TBC1D19: variants seen among roughly 807,000 people sequenced by gnomAD.
TBC1D19 encodes the protein TBC1 domain family, member 19.
In TBC1D19, 60 loss-of-function variants were observed where a neutral mutation model predicts 89.0. The ratio of observed to expected loss-of-function variants is 0.67; its 90% CI spans 0.55 to 0.84. The LOEUF is 0.84. Among genes scored for constraint, TBC1D19 ranks in the 40% least tolerant of loss-of-function variants. The probability of loss-of-function intolerance (pLI) is 0.00; values close to 1 mark genes in which losing one functional copy is unlikely to be tolerated. For synonymous variants in TBC1D19, 189 were observed against 199.7 expected (o/e 0.95, Z 0.45); for missense variants, 500 against 610.8 (o/e 0.82, Z 1.91).
the TBC1D19 span, among the ~76,000 whole-genome samples, chr4:26,819,558 A>G: frequency 2.2e-4 from 34 of 152,346 alleles, no homozygotes; most frequent in East Asian, 4.0e-3. Context: ...GGCAACAGCC[A>G]CAGTCATCAT....
intron 19 of TBC1D19, among the ~76,000 whole-genome samples, chr4:26,750,286 G>T (rs943115392): frequency 2.6e-5 from 4 of 152,160 alleles, no homozygotes; most frequent in African/African-American, 7.2e-5. Context: ...TCCTCTGAGT[G>T]TGCCAGAAAA....
At chr4:26,727,024 C>A (rs1440874158) in intron 15 of TBC1D19, among the ~76,000 whole-genome samples, 1 of 152,162 alleles carries the variant, frequency 6.6e-6, no homozygotes, top group African/African-American at 2.4e-5. Flanking sequence ...AGACTTTCTT[C>A]AGATGCATAA....
the TBC1D19 span, among the ~76,000 whole-genome samples, chr4:26,802,978 C>T: frequency 6.6e-6 from 1 of 152,156 alleles, no homozygotes; most frequent in Admixed American, 6.5e-5. Flanking sequence ...GCTCTAGTGT[C>T]GGTTCATCTG....
At chr4:26,634,729 G>A (rs779212368) in intron 4 of TBC1D19, among the ~76,000 whole-genome samples, 4 of 151,974 alleles carry the variant, frequency 2.6e-5, no homozygotes, top group Non-Finnish European at 5.9e-5. Flanking sequence ...TAGACTACTA[G>A]TATCTACATA....
At chr4:26,673,586 G>C (rs2109112313) in intron 10 of TBC1D19, among the ~76,000 whole-genome samples, 190 bp from the exon 11 acceptor site, 1 of 151,564 alleles carries the variant, frequency 6.6e-6, no homozygotes, top group Admixed American at 6.6e-5. Flanking sequence ...CTTAAGGCTT[G>C]CAACTGGGAG....
At position 26,754,907 on chromosome 4, in the gene TBC1D19, T is replaced by C. The variant is rs552189714; in HGVS notation, c.1541T>C (p.Met514Thr). Residue 514 changes from methionine (M) to threonine (T), a missense_variant, in exon 21 of 21, where the codon ATG (methionine) becomes ACG (threonine). Met to Thr is a moderately conservative substitution (Grantham distance 81). Transcript: ENST00000264866. ...GCTGACCTTTCTACTTTAAAAGTTATGCCTCTTCTTCAGATTTTTCTGTTT... is the reference window on the plus strand; with the variant it reads ...GCTGACCTTTCTACTTTAAAAGTTACGCCTCTTCTTCAGATTTTTCTGTTT... ...VLADLSTLKV[M>T]PLLQIFLFAT... The C allele has an allele frequency of 1.1e-5, 18 of 1,605,944 alleles. No homozygotes were observed. In the South Asian group the frequency reaches 1.2e-4, roughly 11 times the overall value.
the TBC1D19 span, among the ~76,000 whole-genome samples, chr4:26,810,631 G>A: frequency 1.4e-4 from 21 of 152,054 alleles, no homozygotes; most frequent in African/African-American, 4.3e-4. Context: ...CGTGCCAACA[G>A]CATCCTTCAC....
intron 18 of TBC1D19, among the ~76,000 whole-genome samples, chr4:26,746,581 T>G (rs1718662077): frequency 6.6e-6 from 1 of 152,170 alleles, no homozygotes; most frequent in African/African-American, 2.4e-5. Flanking sequence ...AACTGTACAC[T>G]AATAAGGGTA....
At chr4:26,632,129 C>T (rs1465442406) in intron 4 of TBC1D19, among the ~76,000 whole-genome samples, 2 of 151,942 alleles carry the variant, frequency 1.3e-5, no homozygotes, top group African/African-American at 4.8e-5. Context: ...GAATGGCCTT[C>T]ATGTTTGAAT....
intron 11 of TBC1D19, among the ~76,000 whole-genome samples, chr4:26,674,681 C>T (rs1712628945): frequency 6.6e-6 from 1 of 151,866 alleles, no homozygotes. Flanking sequence ...TTAACCCACA[C>T]TTAAATATAG....
chr4:26,649,119 T>C (rs1744153110), intron 7 of TBC1D19, among the ~76,000 whole-genome samples: 1 of 146,744 alleles, frequency 6.8e-6, no homozygotes. Context: ...TGCTGTTAGG[T>C]AATTAGGCTA....
chr4:26,767,031 A>G, the TBC1D19 span, among the ~76,000 whole-genome samples: 1 of 152,132 alleles, frequency 6.6e-6, no homozygotes. Flanking sequence ...GAGACCAGGC[A>G]TGGAGGCTCA....
chr4:26,646,046 C>T (rs1743913612), intron 7 of TBC1D19, among the ~76,000 whole-genome samples: 1 of 150,496 alleles, frequency 6.6e-6, no homozygotes, highest in African/African-American at 2.4e-5. Flanking sequence ...TGGCGTGACC[C>T]CGGGAGGCGG....
intron 4 of TBC1D19, among the ~76,000 whole-genome samples, chr4:26,625,498 G>T (rs1199012835): frequency 6.6e-6 from 1 of 152,070 alleles, no homozygotes; most frequent in Non-Finnish European, 1.5e-5. Context: ...GAGCCATATT[G>T]GTTGATACAT....
At chr4:26,856,813 G>T in the TBC1D19 span, among the ~76,000 whole-genome samples, 22 of 152,214 alleles carry the variant, frequency 1.4e-4, no homozygotes, top group African/African-American at 4.8e-4. Context: ...CTCAAATTAA[G>T]CAGTATAGAG....
intron 1 of TBC1D19, among the ~76,000 whole-genome samples, chr4:26,590,505 T>A (rs922195352): frequency 5.9e-5 from 9 of 152,196 alleles, no homozygotes; most frequent in Admixed American, 5.9e-4. Flanking sequence ...TTATTTGCCA[T>A]AAGAGTGTTA....
At chr4:26,721,084 C>T (rs1337869737) in intron 15 of TBC1D19, among the ~76,000 whole-genome samples, 1 of 151,976 alleles carries the variant, frequency 6.6e-6, no homozygotes, top group East Asian at 1.9e-4. Context: ...TAATATCTCA[C>T]TCTTGTTCTG....
chr4:26,629,857 A>G (rs916137723), intron 4 of TBC1D19, among the ~76,000 whole-genome samples: 1 of 151,868 alleles, frequency 6.6e-6, no homozygotes, highest in Non-Finnish European at 1.5e-5. Flanking sequence ...ATATGTTTTT[A>G]TGTCTCAATT....
chr4:26,719,492 T>A (rs1030338447), intron 14 of TBC1D19, among the ~76,000 whole-genome samples: 1 of 152,104 alleles, frequency 6.6e-6, no homozygotes, highest in Non-Finnish European at 1.5e-5. Flanking sequence ...TGGAAAAAAC[T>A]GAGAACTTTT....
Sources: gnomAD v4.1 joint callset for allele counts (sites outside exome capture counted in the v4.1 genomes callset) on GRCh38, gnomAD v4.1.1 for gene constraint, MANE v1.5 for transcripts, NCBI Gene and HGNC (gene_info 2026-07-23, HGNC 2026-07-21) for gene names.